The following LRP1B variants were observed in gnomAD, a reference collection of about 807,000 sequenced individuals.
The protein encoded by LRP1B is low-density lipoprotein receptor-related protein 1B.
In LRP1B, 217 loss-of-function variants were observed where a neutral mutation model predicts 556.6. That is an observed-to-expected ratio of 0.39 (90% CI 0.35 to 0.44). The LOEUF (loss-of-function observed/expected upper bound fraction) is 0.44. Ranked by LOEUF, LRP1B falls within the 20% of genes least tolerant of loss-of-function variation. LRP1B has a pLI of 1.00. For synonymous variants in LRP1B, 2,047 were observed against 1,865.8 expected, an observed-to-expected ratio of 1.10 and a Z score of -2.50; for missense variants, 5,053 against 5,620.8, an observed-to-expected ratio of 0.90 and a Z score of 3.23.
intron 55 of LRP1B, among the ~76,000 whole-genome samples, chr2:140,498,715 T>C (rs925480595): frequency 2.6e-5 from 4 of 151,848 alleles, no homozygotes; most frequent in Non-Finnish European, 5.9e-5. Context: ...AGCATCTTGT[T>C]GTACATAAAG....
chr2:141,277,594 A>C (rs1002020230), intron 3 of LRP1B, among the ~76,000 whole-genome samples: 1 of 152,154 alleles, frequency 6.6e-6, no homozygotes, highest in African/African-American at 2.4e-5. Context: ...TGGGAATAAA[A>C]GATAGCAGAT....
intron 5 of LRP1B, among the ~76,000 whole-genome samples, chr2:141,240,940 C>T (rs1037339175): frequency 6.6e-6 from 1 of 152,072 alleles, no homozygotes; most frequent in African/African-American, 2.4e-5. Flanking sequence ...TATGTCTCTG[C>T]TATCAATCTT....
chr2:141,289,984 A>G (rs762743700), intron 3 of LRP1B, among the ~76,000 whole-genome samples: 8 of 152,128 alleles, frequency 5.3e-5, no homozygotes, highest in Non-Finnish European at 8.8e-5. Flanking sequence ...TCTATCATTT[A>G]TGAATGAAGA....
intron 2 of LRP1B, among the ~76,000 whole-genome samples, chr2:141,724,482 T>C (rs1004934453): frequency 1.3e-5 from 2 of 151,860 alleles, no homozygotes; most frequent in Non-Finnish European, 2.9e-5. Context: ...CTATATTTCT[T>C]CAACATTTAT....
intron 4 of LRP1B, among the ~76,000 whole-genome samples, chr2:141,252,430 T>C (rs1684299575): frequency 6.6e-6 from 1 of 152,166 alleles, no homozygotes; most frequent in African/African-American, 2.4e-5. Context: ...CAGAGTCACA[T>C]AACAGCCAGC....
chr2:141,455,030 T>G (rs893377051), intron 3 of LRP1B, among the ~76,000 whole-genome samples: 1 of 152,100 alleles, frequency 6.6e-6, no homozygotes, highest in South Asian at 2.1e-4. Flanking sequence ...CAATAGAAAA[T>G]GACTATCTAC....
chr2:141,167,734 T>C (rs1451995132), intron 7 of LRP1B, among the ~76,000 whole-genome samples: 1 of 151,980 alleles, frequency 6.6e-6, no homozygotes, highest in Non-Finnish European at 1.5e-5. Flanking sequence ...TGATGTCTCA[T>C]ATTCGAGAAG....
At chr2:141,031,761 TA>T (rs779571320) in intron 11 of LRP1B, among the ~76,000 whole-genome samples, 5 of 151,936 alleles carry the variant, frequency 3.3e-5, no homozygotes, top group Non-Finnish European at 5.9e-5. Flanking sequence ...TTCAAGTGTA[TA>T]AAGATTTTGA....
At chr2:141,329,876 G>A (rs575051955) in intron 3 of LRP1B, among the ~76,000 whole-genome samples, 2 of 152,200 alleles carry the variant, frequency 1.3e-5, no homozygotes, top group East Asian at 3.9e-4. Flanking sequence ...AAAATATGCT[G>A]AATAGAGAAA....
chr2:140,849,397 AAAAAACAAAATCC>A (rs1692383090), intron 29 of LRP1B, among the ~76,000 whole-genome samples: 1 of 74,506 alleles, frequency 1.3e-5, no homozygotes, highest in South Asian at 5.5e-4. Flanking sequence ...AACAAAAAAC[AAAAAACAAAATCC>A]AAAAAAAAAA....
At chr2:140,824,962 T>TA (rs1691453725) in intron 31 of LRP1B, among the ~76,000 whole-genome samples, 2 of 152,274 alleles carry the variant, frequency 1.3e-5, no homozygotes, top group South Asian at 4.1e-4. Context: ...GTTGAGGATA[T>TA]AATAGTAAAT....
intron 43 of LRP1B, among the ~76,000 whole-genome samples, chr2:140,545,665 C>A (rs1680305923): frequency 6.6e-6 from 1 of 151,964 alleles, no homozygotes; most frequent in South Asian, 2.1e-4. Context: ...GTATGAGTAT[C>A]TTGCTGTTTG....
chr2:141,983,628 G>A (rs9808008), intron 1 of LRP1B, among the ~76,000 whole-genome samples: 47,337 of 152,050 alleles, frequency 0.31, 8,109 homozygotes, highest in East Asian at 0.51. Context: ...TTCAAAAATA[G>A]TACATTTTTA....
chr2:140,443,687 C>CAT (rs745622426), intron 65 of LRP1B, among the ~76,000 whole-genome samples: 9 of 152,076 alleles, frequency 5.9e-5, no homozygotes, highest in Non-Finnish European at 7.4e-5. Context: ...AGCTTATATG[C>CAT]ATATATATAT....
chr2:140,849,877 T>C (rs973158937), intron 29 of LRP1B, among the ~76,000 whole-genome samples: 41 of 152,128 alleles, frequency 2.7e-4, no homozygotes, highest in African/African-American at 9.4e-4. Flanking sequence ...TCCTGAAGTT[T>C]TTCTTCACAT....
intron 2 of LRP1B, among the ~76,000 whole-genome samples, chr2:141,507,783 T>C (rs1207858313): frequency 6.6e-6 from 1 of 152,144 alleles, no homozygotes; most frequent in African/African-American, 2.4e-5. Flanking sequence ...TTAAATATAA[T>C]ATGCTTAAAA....
chr2:140,923,902 T>A (rs1279082412), intron 20 of LRP1B, among the ~76,000 whole-genome samples: 1 of 151,980 alleles, frequency 6.6e-6, no homozygotes, highest in South Asian at 2.1e-4. Context: ...GGGATACAGA[T>A]GTTTGGCAGT....
chr2:141,167,463 C>A (rs945210180), intron 7 of LRP1B: 2 of 151,752 alleles, frequency 1.3e-5, no homozygotes, highest in African/African-American at 4.8e-5. Flanking sequence ...ATTAATTGCA[C>A]ATAATAAATA....
chr2:141,108,963 G>A (rs1700680871), intron 7 of LRP1B, among the ~76,000 whole-genome samples: 1 of 152,138 alleles, frequency 6.6e-6, no homozygotes, highest in Non-Finnish European at 1.5e-5. Context: ...ATTGTGCTAA[G>A]GTATAGGTGG....
Sources: allele counts gnomAD v4.1 joint callset (sites outside exome capture counted in the v4.1 genomes callset), GRCh38; gene constraint gnomAD v4.1.1; transcripts MANE v1.5; gene names NCBI Gene and HGNC (gene_info 2026-07-23, HGNC 2026-07-21).